JMJD1C: variants seen among roughly 807,000 people sequenced by gnomAD.
JMJD1C encodes jumonji domain-containing protein 1C.
Under a neutral mutation model 245.3 loss-of-function variants are expected in JMJD1C, and 31 were observed. The observed-to-expected ratio is 0.13, with a 90% CI of 0.09 to 0.17. JMJD1C has a LOEUF of 0.17. Among genes scored for constraint, JMJD1C ranks in the 10% least tolerant of loss-of-function variants. The probability of loss-of-function intolerance (pLI) is 1.00; values close to 1 mark genes in which losing one functional copy is unlikely to be tolerated. For synonymous variants in JMJD1C, 1,057 were observed against 1,017.4 expected (o/e 1.04, Z -0.74); for missense variants, 2,691 against 3,000.2 (o/e 0.90, Z 2.41).
chr10:63,342,483 T>C (rs1943467086), intron 2 of JMJD1C, among the ~76,000 whole-genome samples: 1 of 152,236 alleles, frequency 6.6e-6, no homozygotes, highest in African/African-American at 2.4e-5. Context: ...ACCCACTTCC[T>C]GGTCCTCAAA....
rs1953218735 is a variant in JMJD1C, at chr10:63,465,787, A to G, written c.-125T>C. On this transcript the variant is annotated 5_prime_UTR_variant, in exon 1 of 26. Coordinates refer to ENST00000399262, the MANE Select transcript of JMJD1C (RefSeq NM_032776.3). ...CACAGCAGCGGACCCGAAAGAGCGC[A>G]GACTCGGGACGAACCGGCCGCTCTG... is the stretch of plus-strand genomic sequence containing the variant. 3 of 1,201,438 alleles carry G rather than the reference A, an allele frequency of 2.5e-6. No homozygotes were observed. The East Asian group carries it at 7.5e-5, about 30-fold the overall frequency. 74.4% of individuals were successfully genotyped at this position (1,201,438 alleles called of 1,614,324 possible).
chr10:63,284,420 C>A (rs1332415842), intron 2 of JMJD1C, among the ~76,000 whole-genome samples: 1 of 152,136 alleles, frequency 6.6e-6, no homozygotes, highest in Non-Finnish European at 1.5e-5. Flanking sequence ...TCTGAAGAAT[C>A]CTGAAAGCCT....
chr10:63,203,191 T>C (rs1846218930), intron 10 of JMJD1C: 3 of 984,836 alleles, frequency 3.0e-6, no homozygotes, highest in Non-Finnish European at 3.6e-6. Context: ...TGACTGCAAC[T>C]AACTCCTTTT....
At chr10:63,355,732 C>G (rs1266637014) in intron 2 of JMJD1C, among the ~76,000 whole-genome samples, 5 of 151,988 alleles carry the variant, frequency 3.3e-5, no homozygotes, top group Non-Finnish European at 7.4e-5. Context: ...GATGTTTTCC[C>G]TAGTTACTTA....
chr10:63,465,736 C>T lies in JMJD1C; in HGVS notation c.-74G>A. 2 of 1,555,080 alleles carry T rather than the reference C, an allele frequency of 1.3e-6. No individual in the cohort carries two copies. The highest frequency in any genetic ancestry group is 1.7e-6 in the Non-Finnish European group (2 of 1,143,290). On this transcript the variant is annotated 5_prime_UTR_variant, in exon 1 of 26. Coordinates refer to ENST00000399262, the MANE Select transcript of JMJD1C (RefSeq NM_032776.3). ...GATGAAACCTCACTCCTACCGGCCG[C>T]TCATGCTGAGGAGAGCGGACCGGGA...
intron 2 of JMJD1C, among the ~76,000 whole-genome samples, chr10:63,297,105 T>C (rs765225939): frequency 2.0e-5 from 3 of 152,198 alleles, no homozygotes; most frequent in Non-Finnish European, 4.4e-5. Context: ...GCAGTTTAGT[T>C]GTGTCGACAG....
At chr10:63,441,902 C>T (rs1188071841) in intron 1 of JMJD1C, among the ~76,000 whole-genome samples, 3 of 152,126 alleles carry the variant, frequency 2.0e-5, no homozygotes, top group Admixed American at 6.5e-5. Context: ...ATGTTAACAG[C>T]GTTAGGTGTT....
At chr10:63,211,231 G>A (rs913675242) in intron 8 of JMJD1C, among the ~76,000 whole-genome samples, 6 of 152,100 alleles carry the variant, frequency 3.9e-5, no homozygotes, top group African/African-American at 1.4e-4. Flanking sequence ...TTGAGAGGCC[G>A]AGACAGGCGG....
At chr10:63,327,181 C>T (rs1359081649) in intron 2 of JMJD1C, among the ~76,000 whole-genome samples, 1 of 151,854 alleles carries the variant, frequency 6.6e-6, no homozygotes, top group Non-Finnish European at 1.5e-5. Context: ...ACTGAGACCT[C>T]GCCTCAAAAA....
At chr10:63,276,422 C>A (rs1383226925) in intron 2 of JMJD1C, among the ~76,000 whole-genome samples, 1 of 149,852 alleles carries the variant, frequency 6.7e-6, no homozygotes, top group African/African-American at 2.5e-5. Context: ...GCCGAGACCC[C>A]GCCACTGCAC....
chr10:63,507,644 C>CAAAAAAA lies in JMJD1C; in HGVS notation n.113+14087_113+14093dup, dbSNP rs34738955. Among the ~76,000 whole-genome samples, 97 of 58,764 alleles carry CAAAAAAA rather than the reference C, an allele frequency of 1.7e-3. 19 individuals carry two copies. Among genetic ancestry groups the CAAAAAAA allele is most frequent in the African/African-American group, 7.4e-3 (76 of 10,330 alleles). 38.6% of individuals were successfully genotyped at this position (58,764 alleles called of 152,430 possible). The stretch of plus-strand genomic sequence containing the variant: ...TGGGCAACAGAGTAAGACTCTGTCT[C>CAAAAAAA]AAAAAAAAAAAAAAAAAAACAGTGG... On this transcript the variant is annotated intron_variant and non_coding_transcript_variant, in intron 1 of 3. Transcript: ENST00000633035.
chr10:63,340,815 G>T (rs1163879664), intron 2 of JMJD1C, among the ~76,000 whole-genome samples: 3 of 152,022 alleles, frequency 2.0e-5, no homozygotes, highest in South Asian at 2.1e-4. Context: ...CGTGGTGGCA[G>T]GCACCTGAAA....
intron 3 of JMJD1C, among the ~76,000 whole-genome samples, chr10:63,240,795 G>A (rs1851386033): frequency 6.6e-6 from 1 of 152,106 alleles, no homozygotes; most frequent in African/African-American, 2.4e-5. Flanking sequence ...AAAGATATTA[G>A]CTTTTTAAAA....
At chr10:63,413,061 C>T (rs748721717) in intron 1 of JMJD1C, among the ~76,000 whole-genome samples, 1 of 152,056 alleles carries the variant, frequency 6.6e-6, no homozygotes, top group Non-Finnish European at 1.5e-5. Flanking sequence ...AAAGTAGTTG[C>T]TAAATAAATT....
intron 1 of JMJD1C, among the ~76,000 whole-genome samples, chr10:63,459,626 T>C (rs1023131207): frequency 1.3e-5 from 2 of 152,228 alleles, no homozygotes; most frequent in African/African-American, 4.8e-5. Context: ...TCACCCTTTT[T>C]GAAAATCATC....
chr10:63,491,283 C>G (rs1246620590), intron 1 of JMJD1C, among the ~76,000 whole-genome samples: 1 of 152,116 alleles, frequency 6.6e-6, no homozygotes, highest in Non-Finnish European at 1.5e-5. Flanking sequence ...TTCTTAACTA[C>G]TGACTCTTTT....
At chr10:63,242,027 G>A (rs1851541916) in intron 3 of JMJD1C, among the ~76,000 whole-genome samples, 1 of 152,154 alleles carries the variant, frequency 6.6e-6, no homozygotes, top group South Asian at 2.1e-4. Context: ...TTGTGCAACA[G>A]GAGAAAGATC....
chr10:63,483,966 T>G (rs1485295365), intron 1 of JMJD1C, among the ~76,000 whole-genome samples: 1 of 152,232 alleles, frequency 6.6e-6, no homozygotes, highest in Non-Finnish European at 1.5e-5. Context: ...GCATTTAGCA[T>G]GAATTATATC....
At chr10:63,268,710 A>G (rs1855928660) in intron 2 of JMJD1C, 1 of 984,650 alleles carries the variant, frequency 1.0e-6, no homozygotes, top group Admixed American at 6.1e-5. Context: ...GAAATCCACA[A>G]CAAGGCTTTA....
Sources: gnomAD v4.1 joint callset for allele counts (sites outside exome capture counted in the v4.1 genomes callset) on GRCh38, gnomAD v4.1.1 for gene constraint, MANE v1.5 for transcripts, NCBI Gene and HGNC (gene_info 2026-07-23, HGNC 2026-07-21) for gene names.